Variants in DEDD2 observed in about 807,000 individuals in gnomAD.
DEDD2 encodes the protein death effector domain containing 2.
DEDD2 carries 18 observed loss-of-function variants against 28.9 expected under a neutral mutation model. The ratio of observed to expected loss-of-function variants is 0.62; its 90% confidence interval spans 0.43 to 0.92. DEDD2 has a LOEUF of 0.92. Among genes scored for constraint, DEDD2 ranks in the 40% least tolerant of loss-of-function variants. DEDD2 has a pLI of 0.00. For missense variants in DEDD2, 411 were observed against 463.3 expected (o/e 0.89, Z 1.04); for synonymous variants, 211 against 206.1 (o/e 1.02, Z -0.20).
chr19:42,216,750 C>G lies in DEDD2; in HGVS notation c.258G>C (p.Leu86=). The part of the protein sequence containing the change: ...GQCDESNLRL[L]GQLLRVLARH... ...GGGCCAGCACGCGCAGGAGTTGCCC[C>G]AGCAGCCGCAGGTTGCTCTCGTCGC... is the stretch of plus-strand genomic sequence containing the variant. The change falls in exon 2 of 5, where the codon CTG becomes CTC. Residue 86 remains leucine, a synonymous_variant. Coordinates refer to ENST00000596251, the MANE Select transcript of DEDD2 (RefSeq NM_133328.4). 2 of 1,593,492 alleles carry G rather than the reference C, an allele frequency of 1.3e-6. No homozygotes were observed. The highest frequency in any genetic ancestry group is 1.7e-6 in the Non-Finnish European group (2 of 1,171,526).
rs1297077499 is a variant in DEDD2, at chr19:42,199,269, C to T, written c.*169G>A. On this transcript the variant is annotated 3_prime_UTR_variant, in exon 5 of 5. Transcript: ENST00000596251. The surrounding 1 kb of genome is among the most constrained non-coding windows in gnomAD (Gnocchi z 7.4). ...AAACTCAGCTGGAAATGGTTTAGGC[C>T]TCAGAGCCCACATCCTGTGGGAGGG... 1 of 1,065,910 alleles carries T rather than the reference C, an allele frequency of 9.4e-7. No individual in the cohort carries two copies. The highest frequency in any genetic ancestry group is 1.6e-5 in the African/African-American group (1 of 62,632). 66.0% of individuals were successfully genotyped at this position (1,065,910 alleles called of 1,614,324 possible).
intron 4 of DEDD2, 135 bp downstream of exon 4, chr19:42,209,565 A>C (rs2035665926): frequency 7.7e-7 from 1 of 1,294,762 alleles, no homozygotes; most frequent in African/African-American, 1.5e-5. Context: ...AAGGACAAGA[A>C]TTCCACTGTG....
At chr19:42,218,338 C>A (rs1023082294), upstream of DEDD2, among the ~76,000 whole-genome samples, 3 of 150,766 alleles carry the variant, frequency 2.0e-5, no homozygotes, top group African/African-American at 7.3e-5. Flanking sequence ...GGCAACAGAA[C>A]CCTCCATTCC....
At chr19:42,207,671 G>T (rs1336866783) in intron 4 of DEDD2, among the ~76,000 whole-genome samples, 3 of 152,134 alleles carry the variant, frequency 2.0e-5, no homozygotes, top group Admixed American at 6.5e-5. Flanking sequence ...TTCTTCACCT[G>T]GTCCAATTCT....
Position 42,198,740 on chromosome 19 carries a change from G to A in DEDD2, c.*698C>T, listed in dbSNP as rs1303014342. 2 of 152,270 alleles carry A rather than the reference G, an allele frequency of 1.3e-5. No homozygotes were observed. Among genetic ancestry groups the A allele is most frequent in the African/African-American group, 4.8e-5 (2 of 41,426 alleles). The allele number at this position is 152,270 out of a possible 1,614,324, so 9.4% of individuals were successfully genotyped here. ...GCCCCATGTGCAACAGTAGGCCTTG[G>A]TATGATGCTGCCATAACACTCCCAT... On this transcript the variant is annotated 3_prime_UTR_variant, in exon 5 of 5. Coordinates refer to ENST00000596251, the MANE Select transcript of DEDD2 (RefSeq NM_133328.4).
At chr19:42,207,471 C>A (rs2035580123) in intron 4 of DEDD2, among the ~76,000 whole-genome samples, 2 of 152,144 alleles carry the variant, frequency 1.3e-5, no homozygotes, top group African/African-American at 2.4e-5. Context: ...CTCCCCTGAA[C>A]CCTTCCACTC....
chr19:42,211,594 A>G (rs1416250149), intron 3 of DEDD2, among the ~76,000 whole-genome samples: 1 of 152,230 alleles, frequency 6.6e-6, no homozygotes, highest in African/African-American at 2.4e-5. Context: ...AGAGAACAAG[A>G]AACACAAATA....
chr19:42,219,315 A>C (rs1038490361), upstream of DEDD2, among the ~76,000 whole-genome samples: 2 of 131,198 alleles, frequency 1.5e-5, no homozygotes, highest in African/African-American at 5.9e-5. Flanking sequence ...AAACAAACAA[A>C]CAAGACCGGA....
upstream of DEDD2, among the ~76,000 whole-genome samples, chr19:42,219,003 T>G (rs905976400): frequency 1.3e-5 from 2 of 151,336 alleles, no homozygotes; most frequent in African/African-American, 4.9e-5. Flanking sequence ...GGCGAGACTT[T>G]GTCTCAAGAA....
At chr19:42,200,392 A>C (rs531048504) in intron 4 of DEDD2, among the ~76,000 whole-genome samples, 1 of 152,380 alleles carries the variant, frequency 6.6e-6, no homozygotes, top group Non-Finnish European at 1.5e-5. Flanking sequence ...GTATTTGTGA[A>C]GAACTAATGC....
At chr19:42,200,299 G>A (rs770979785) in intron 4 of DEDD2, among the ~76,000 whole-genome samples, 3 of 152,202 alleles carry the variant, frequency 2.0e-5, no homozygotes, top group Non-Finnish European at 2.9e-5. Context: ...CACTCAGCAT[G>A]GAGAGACAGA....
chr19:42,200,846 A>G (rs918578881), intron 4 of DEDD2, among the ~76,000 whole-genome samples: 1 of 152,186 alleles, frequency 6.6e-6, no homozygotes, highest in Admixed American at 6.5e-5. Flanking sequence ...AGCTGTGTAC[A>G]GGGGACAGGA....
intron 4 of DEDD2, among the ~76,000 whole-genome samples, chr19:42,209,074 T>C (rs2035644215): frequency 6.6e-6 from 1 of 152,082 alleles, no homozygotes; most frequent in South Asian, 2.1e-4. Context: ...CCATCTCTAC[T>C]AACTAAAAAT....
In DEDD2 at chr19:42,209,831, G is replaced by T. The variant is rs775992642; in HGVS notation, c.458C>A (p.Pro153Gln). ...QQGQWETGSPPTKRQRRSRGR... is the reference protein window; with the variant it reads ...QQGQWETGSPQTKRQRRSRGR... ...CCGACTCCGCCGCTGCCGCTTGGTT[G>T]GGGGGGAGCCTGAGGGGAAAAAAAT... Residue 153 changes from proline to glutamine, a missense_variant, in exon 4 of 5, where the codon CCA (proline) becomes CAA (glutamine). Coordinates refer to ENST00000596251, the MANE Select transcript of DEDD2 (RefSeq NM_133328.4). 35 of 1,534,766 alleles carry T rather than the reference G, an allele frequency of 2.3e-5. No homozygotes were observed. Among genetic ancestry groups the T allele is most frequent in the Middle Eastern group, 1.8e-4 (1 of 5,646 alleles).
Position 42,215,202 on chromosome 19 carries a change from C to G in DEDD2, c.379G>C (p.Glu127Gln). 6.2e-7 allele frequency: 1 copy of G among 1,614,174 alleles called. No individual in the cohort carries two copies. The highest frequency in any genetic ancestry group is 8.5e-7 in the Non-Finnish European group (1 of 1,180,018). The change falls in exon 3 of 5, where the codon GAG becomes CAG. Residue 127 changes from glutamate to glutamine, a missense_variant. By Grantham distance (29) the Glu-to-Gln change is conservative. This residue lies in a region of DEDD2 where 282 missense variants were observed against 273.4 expected (regional missense o/e 1.03). Transcript: ENST00000596251. ...YGTSSSSKRT[E>Q]GSCRRRRQSS... Reference sequence around the variant, plus strand: ...TGCCGACGGCGACGGCAGCTACCCTCTGTCCTCTTTGAAGAGCTGGAGGTG... The same window carrying G: ...TGCCGACGGCGACGGCAGCTACCCTGTGTCCTCTTTGAAGAGCTGGAGGTG...
intron 2 of DEDD2, 118 bp from the exon 3 acceptor site, chr19:42,215,370 C>A: frequency 7.8e-7 from 1 of 1,282,208 alleles, no homozygotes; most frequent in Non-Finnish European, 1.1e-6. Context: ...CCCAAATACC[C>A]ACTCATTCTC....
At chr19:42,219,883 A>G (rs1161284068), upstream of DEDD2, among the ~76,000 whole-genome samples, 1 of 152,204 alleles carries the variant, frequency 6.6e-6, no homozygotes, top group Non-Finnish European at 1.5e-5. Context: ...AATCCCCTAA[A>G]CAATCTTTGA....
At chr19:42,214,640 G>A (rs2035892176) in intron 3 of DEDD2, among the ~76,000 whole-genome samples, 1 of 152,108 alleles carries the variant, frequency 6.6e-6, no homozygotes, top group African/African-American at 2.4e-5. Context: ...GCATACCCCT[G>A]TAGTTCTAGT....
chr19:42,215,824 T>C (rs1599788361), intron 2 of DEDD2, among the ~76,000 whole-genome samples: 1 of 152,176 alleles, frequency 6.6e-6, no homozygotes, highest in Non-Finnish European at 1.5e-5. Flanking sequence ...CAGCTTCTCA[T>C]GTGAAGGCTG....
Sources: allele counts gnomAD v4.1 joint callset (sites outside exome capture counted in the v4.1 genomes callset), GRCh38; gene constraint gnomAD v4.1.1; regional missense constraint gnomAD v4.1.1; non-coding constraint Gnocchi (gnomAD v3.1); transcripts MANE v1.5; gene names NCBI Gene and HGNC (gene_info 2026-07-23, HGNC 2026-07-21).